The following ARID1B variants were observed in gnomAD, a reference collection of about 807,000 sequenced individuals.
ARID1B encodes AT-rich interaction domain 1B, also known as AT-rich interactive domain-containing protein 1B.
In ARID1B, 30 loss-of-function variants were observed where a neutral mutation model predicts 212.3. The observed-to-expected ratio is 0.14, with a 90% CI of 0.11 to 0.19. ARID1B has a LOEUF of 0.19. ARID1B is among the 10% of genes least tolerant of loss of function. The probability of loss-of-function intolerance (pLI) is 1.00; values close to 1 mark genes in which losing one functional copy is unlikely to be tolerated. For synonymous variants in ARID1B, 1,402 were observed against 1,301.7 expected (o/e 1.08, Z -1.66); for missense variants, 2,891 against 3,204.0 (o/e 0.90, Z 2.36).
chr6:156,897,275 T>TATTATTATTATC (rs1788552745), intron 2 of ARID1B, among the ~76,000 whole-genome samples: 1 of 143,300 alleles, frequency 7.0e-6, no homozygotes, highest in Non-Finnish European at 1.5e-5. Flanking sequence ...TTATTATTAT[T>TATTATTATTATC]ATTATTATTA....
At chr6:156,821,389 G>C (rs1782342840) in intron 1 of ARID1B, among the ~76,000 whole-genome samples, 1 of 152,192 alleles carries the variant, frequency 6.6e-6, no homozygotes, top group South Asian at 2.1e-4. Context: ...CTGAGAATGG[G>C]TATATGTCAC....
intron 4 of ARID1B, among the ~76,000 whole-genome samples, chr6:157,002,098 T>C (rs945328235): frequency 6.6e-6 from 1 of 152,234 alleles, no homozygotes; most frequent in Non-Finnish European, 1.5e-5. Context: ...GAAATAAATA[T>C]TCGCTTTAAT....
In ARID1B at chr6:156,781,626, C is replaced by A. The variant is rs558818020; in HGVS notation, c.1791+2155C>A. ...ACACTGCTGTCCACTGCTTTCAGATCTTTAGTTATTGGAGTTTTGCTTTTA... is the reference window on the plus strand; with the variant it reads ...ACACTGCTGTCCACTGCTTTCAGATATTTAGTTATTGGAGTTTTGCTTTTA... On this transcript the variant is annotated intron_variant, in intron 1 of 19. Coordinates refer to ENST00000636930, the MANE Select transcript of ARID1B (RefSeq NM_001374828.1). 2.0e-5 allele frequency among the ~76,000 whole-genome samples: 3 copies of A among 152,162 alleles called. No homozygotes were observed. The South Asian group carries it at 6.2e-4, about 32-fold the overall frequency.
intron 1 of ARID1B, among the ~76,000 whole-genome samples, chr6:156,789,781 C>T (rs749933294): frequency 7.9e-5 from 12 of 152,150 alleles, no homozygotes; most frequent in South Asian, 2.1e-4. Flanking sequence ...CAAGTCACTT[C>T]GCTTCTCTGT....
chr6:157,139,346 C>T (rs182697058), intron 7 of ARID1B, among the ~76,000 whole-genome samples: 263 of 152,272 alleles, frequency 1.7e-3, no homozygotes, highest in African/African-American at 5.8e-3. Context: ...AGCAAGGTAC[C>T]TTTTCCCGAG....
intron 19 of ARID1B, chr6:157,205,912 G>A (rs185393547): frequency 3.6e-5 from 17 of 472,876 alleles, no homozygotes; most frequent in East Asian, 1.1e-4. Context: ...GTAAGTTTTC[G>A]TGTAGATAGT....
intron 2 of ARID1B, among the ~76,000 whole-genome samples, chr6:156,850,612 A>G (rs1319122829): frequency 6.6e-6 from 1 of 152,204 alleles, no homozygotes; most frequent in Non-Finnish European, 1.5e-5. Context: ...TAATTTCTCA[A>G]ACAAGCATTT....
At chr6:156,951,685 C>T (rs1328206608) in intron 4 of ARID1B, among the ~76,000 whole-genome samples, 2 of 152,076 alleles carry the variant, frequency 1.3e-5, no homozygotes, top group African/African-American at 2.4e-5. Context: ...CCTCGTGATC[C>T]GCCCGCCTCA....
chr6:156,963,026 C>T (rs1343643530), intron 4 of ARID1B, among the ~76,000 whole-genome samples: 1 of 152,118 alleles, frequency 6.6e-6, no homozygotes, highest in African/African-American at 2.4e-5. Flanking sequence ...CGTGATCCAC[C>T]CACCTCGGCC....
At chr6:157,123,032 A>G (rs1787852421) in intron 6 of ARID1B, among the ~76,000 whole-genome samples, 1 of 151,936 alleles carries the variant, frequency 6.6e-6, no homozygotes, top group Non-Finnish European at 1.5e-5. Context: ...CCCACAAAAA[A>G]CCTAATGGGT....
At chr6:156,780,217 AG>A (rs1319261478) in intron 1 of ARID1B, 1 of 152,268 alleles carries the variant, frequency 6.6e-6, no homozygotes, top group African/African-American at 2.4e-5. Flanking sequence ...CACCTTCAAC[AG>A]GCAGGCTATG....
Position 156,778,526 on chromosome 6 carries a change from C to T in ARID1B, c.846C>T (p.Arg282=), listed in dbSNP as rs2114977297. The change falls in exon 1 of 20, where the codon CGC becomes CGT. Residue 282 remains arginine, a synonymous_variant. Coordinates refer to ENST00000636930, the MANE Select transcript of ARID1B (RefSeq NM_001374828.1). ...PPKMGEPAGG[R]YEHPGLGALG... is the part of the protein sequence containing the mutation. ...AGATGGGGGAGCCGGCGGGCGGCCG[C>T]TACGAGCACCCGGGCTTGGGCGCCC... 8.1e-7 allele frequency: 1 copy of T among 1,233,016 alleles called. No homozygotes were observed. The highest frequency in any genetic ancestry group is 1.0e-6 in the Non-Finnish European group (1 of 991,028). The allele number at this position is 1,233,016 out of a possible 1,614,324, so 76.4% of individuals were successfully genotyped here. A position where few individuals can be genotyped will look rare whatever the true frequency, so the allele number is the denominator to read the frequency against.
At chr6:156,941,088 A>G (rs774219696) in intron 4 of ARID1B, 3 of 152,242 alleles carry the variant, frequency 2.0e-5, no homozygotes, top group African/African-American at 7.2e-5. Flanking sequence ...AAGTTAATGA[A>G]GGAAAACCCA....
chr6:157,100,977 C>T (rs1379081937), intron 5 of ARID1B, among the ~76,000 whole-genome samples: 2 of 152,056 alleles, frequency 1.3e-5, no homozygotes, highest in African/African-American at 4.8e-5. Context: ...TCCAGAAGAT[C>T]GGTAAAGTCA....
chr6:156,916,701 G>A (rs961167168), intron 3 of ARID1B, among the ~76,000 whole-genome samples: 7 of 151,814 alleles, frequency 4.6e-5, no homozygotes, highest in Admixed American at 2.0e-4. Flanking sequence ...CTCTTAGCAA[G>A]CTCTCATGAC....
chr6:156,809,919 G>A (rs1184647571), intron 1 of ARID1B, among the ~76,000 whole-genome samples: 1 of 152,072 alleles, frequency 6.6e-6, no homozygotes, highest in Non-Finnish European at 1.5e-5. Flanking sequence ...GCATGCAGAG[G>A]ACAAAAAGAT....
chr6:156,911,517 A>G (rs1333536832), intron 3 of ARID1B, among the ~76,000 whole-genome samples: 1 of 152,112 alleles, frequency 6.6e-6, no homozygotes, highest in East Asian at 1.9e-4. Flanking sequence ...TCCTTGTGAC[A>G]ACTAACTACT....
Position 157,039,779 on chromosome 6 carries a change from T to A in ARID1B, c.2248-44883T>A, listed in dbSNP as rs555142625. Among the ~76,000 whole-genome samples the A allele has an allele frequency of 8.6e-4, 111 of 129,448 alleles. 1 individual carries two copies. Among genetic ancestry groups the A allele is most frequent in the Middle Eastern group, 3.7e-3 (1 of 270 alleles). 84.9% of individuals were successfully genotyped at this position (129,448 alleles called of 152,430 possible). ...TTCCTACCTTCCTACCTACCTACCT[T>A]CCTTCCTTCCTTCCTTCTTTCTTTC... is the stretch of plus-strand genomic sequence containing the variant. On this transcript the variant is annotated intron_variant, in intron 4 of 19. Coordinates refer to ENST00000636930, the MANE Select transcript of ARID1B (RefSeq NM_001374828.1).
rs1244671513 is a variant in ARID1B, at chr6:157,207,138, GGAT to G, written c.6369_6371del (p.Asp2123del). 1 of 1,614,234 alleles carries G rather than the reference GGAT, an allele frequency of 6.2e-7. No homozygotes were observed. The highest frequency in any genetic ancestry group is 1.1e-5 in the South Asian group (1 of 91,088). Reference sequence around the variant, plus strand: ...CACCGCAGACCTATGAGAAAGAGGAGGATGAGGACAAGGGGGTGGCCTGCAGCA... The same window carrying G: ...CACCGCAGACCTATGAGAAAGAGGAGGAGGACAAGGGGGTGGCCTGCAGCA... On this transcript the variant is annotated inframe_deletion, in exon 20 of 20. Coordinates refer to ENST00000636930, the MANE Select transcript of ARID1B (RefSeq NM_001374828.1). This position sits in a 1 kb window ranked among gnomAD's most constrained non-coding sequence, Gnocchi z 8.5.
Sources: allele counts gnomAD v4.1 joint callset (sites outside exome capture counted in the v4.1 genomes callset), GRCh38; gene constraint gnomAD v4.1.1; non-coding constraint Gnocchi (gnomAD v3.1); transcripts MANE v1.5; gene names NCBI Gene and HGNC (gene_info 2026-07-23, HGNC 2026-07-21).